REC114: variants seen among roughly 807,000 people sequenced by gnomAD.
REC114 encodes meiotic recombination protein REC114.
Under a neutral mutation model 31.3 loss-of-function variants are expected in REC114, and 27 were observed. The observed-to-expected ratio is 0.86, with a 90% confidence interval of 0.64 to 1.19. The LOEUF (loss-of-function observed/expected upper bound fraction) is 1.19, where lower values mean the gene tolerates loss of function less well. Ranked by LOEUF, REC114 falls within the 50% of genes most tolerant of loss-of-function variation. REC114 has a pLI of 0.00. For missense variants in REC114, 344 were observed against 326.9 expected (o/e 1.05, Z -0.40); for synonymous variants, 134 against 127.7 (o/e 1.05, Z -0.33).
intron 1 of REC114, 83 bp downstream of exon 1, chr15:73,443,427 C>T: frequency 7.0e-7 from 1 of 1,426,396 alleles, no homozygotes; most frequent in Non-Finnish European, 9.2e-7. Context: ...GGCCAGTGCC[C>T]CGAAAGCAAT....
chr15:73,556,719 T>G (rs547037087), intron 5 of REC114, among the ~76,000 whole-genome samples: 1 of 152,262 alleles, frequency 6.6e-6, no homozygotes, highest in Non-Finnish European at 1.5e-5. Flanking sequence ...AGGACTCCAT[T>G]GTAATTATGG....
intron 2 of REC114, among the ~76,000 whole-genome samples, chr15:73,493,505 TTTTC>T (rs1893474189): frequency 1.3e-5 from 2 of 152,280 alleles, no homozygotes; most frequent in South Asian, 4.1e-4. Context: ...ATCTATTATT[TTTTC>T]TTTTTTTCTT....
At chr15:73,466,616 A>G (rs1893064205) in intron 1 of REC114, among the ~76,000 whole-genome samples, 1 of 152,208 alleles carries the variant, frequency 6.6e-6, no homozygotes, top group African/African-American at 2.4e-5. Context: ...TTACGCAACT[A>G]TTAATAAAAT....
chr15:73,495,534 T>C (rs1424838081), intron 2 of REC114, among the ~76,000 whole-genome samples: 1 of 150,612 alleles, frequency 6.6e-6, no homozygotes, highest in Admixed American at 6.6e-5. Flanking sequence ...GCAAGAGAAC[T>C]TTTTTTTTGC....
At chr15:73,492,241 T>G (rs1893457158) in intron 2 of REC114, among the ~76,000 whole-genome samples, 1 of 152,184 alleles carries the variant, frequency 6.6e-6, no homozygotes, top group African/African-American at 2.4e-5. Flanking sequence ...TTTATGTACT[T>G]TATATGAAAT....
At chr15:73,499,941 A>C (rs1308731731) in intron 2 of REC114, among the ~76,000 whole-genome samples, 1 of 152,230 alleles carries the variant, frequency 6.6e-6, no homozygotes. Context: ...GATATTGTCC[A>C]AACATACACA....
chr15:73,460,502 AAAGT>A (rs1892975579), intron 1 of REC114, among the ~76,000 whole-genome samples: 1 of 151,192 alleles, frequency 6.6e-6, no homozygotes, highest in African/African-American at 2.5e-5. Context: ...TCTGAGAAAT[AAAGT>A]AAGGTGTTTC....
At chr15:73,512,067 G>A (rs1269548899) in intron 2 of REC114, among the ~76,000 whole-genome samples, 3 of 136,796 alleles carry the variant, frequency 2.2e-5, no homozygotes, top group African/African-American at 9.3e-5. Flanking sequence ...CATTATTAAT[G>A]TGTGGGAGTC....
chr15:73,454,080 C>T (rs944643596), intron 1 of REC114, among the ~76,000 whole-genome samples: 1 of 151,910 alleles, frequency 6.6e-6, no homozygotes, highest in African/African-American at 2.4e-5. Context: ...AACAAACCTG[C>T]ACATTCTGCA....
chr15:73,447,647 CAAAATAAA>C (rs1399315367), intron 1 of REC114, among the ~76,000 whole-genome samples: 1 of 89,288 alleles, frequency 1.1e-5, no homozygotes, highest in Admixed American at 1.2e-4. Context: ...GACTCTGTCT[CAAAATAAA>C]TAAATAAATA....
At chr15:73,493,536 T>A (rs947875927) in intron 2 of REC114, among the ~76,000 whole-genome samples, 12 of 152,186 alleles carry the variant, frequency 7.9e-5, no homozygotes, top group African/African-American at 2.9e-4. Flanking sequence ...ATTTTATTTA[T>A]CCTCATGCAT....
chr15:73,453,934 A>G (rs112335133), intron 1 of REC114, among the ~76,000 whole-genome samples: 1 of 114,346 alleles, frequency 8.7e-6, no homozygotes, highest in African/African-American at 3.4e-5. Flanking sequence ...ACACATGGAC[A>G]TGGGTGGGGG....
At chr15:73,466,097 C>T (rs772832559) in intron 1 of REC114, among the ~76,000 whole-genome samples, 6 of 151,744 alleles carry the variant, frequency 4.0e-5, no homozygotes, top group Non-Finnish European at 5.9e-5. Context: ...ATGATCTGCC[C>T]ACCTCGGCCT....
chr15:73,538,895 G>A (rs1437877920), intron 2 of REC114, among the ~76,000 whole-genome samples: 1 of 146,162 alleles, frequency 6.8e-6, no homozygotes, highest in African/African-American at 2.5e-5. Flanking sequence ...CCAATCTTAT[G>A]TTTAAAAAAA....
At chr15:73,553,668 A>AT (rs1894422903) in intron 4 of REC114, among the ~76,000 whole-genome samples, 1 of 152,202 alleles carries the variant, frequency 6.6e-6, no homozygotes, top group Non-Finnish European at 1.5e-5. Flanking sequence ...GCAGTAACAA[A>AT]TGCAGGCTGA....
intron 2 of REC114, among the ~76,000 whole-genome samples, chr15:73,511,401 GATTC>G (rs1287418558): frequency 6.6e-6 from 1 of 151,874 alleles, no homozygotes; most frequent in African/African-American, 2.4e-5. Flanking sequence ...CCAGCTCCTG[GATTC>G]ATTGATTTTT....
intron 2 of REC114, among the ~76,000 whole-genome samples, chr15:73,532,617 C>T (rs948344544): frequency 6.6e-6 from 1 of 152,016 alleles, no homozygotes; most frequent in African/African-American, 2.4e-5. Flanking sequence ...TAAAAGTGTT[C>T]CTATTTCTCC....
intron 2 of REC114, among the ~76,000 whole-genome samples, chr15:73,508,666 T>C (rs2141313182): frequency 7.1e-6 from 1 of 140,466 alleles, no homozygotes; most frequent in Non-Finnish European, 1.5e-5. Flanking sequence ...CATTGTTCAA[T>C]TCCCACCTAT....
At chr15:73,452,598 T>C (rs1027807127) in intron 1 of REC114, among the ~76,000 whole-genome samples, 2 of 152,220 alleles carry the variant, frequency 1.3e-5, no homozygotes, top group Admixed American at 6.5e-5. Flanking sequence ...CCCATCAAGC[T>C]ACCATGACTT....
Sources: allele counts gnomAD v4.1 joint callset (sites outside exome capture counted in the v4.1 genomes callset), GRCh38; gene constraint gnomAD v4.1.1; transcripts MANE v1.5; gene names NCBI Gene and HGNC (gene_info 2026-07-23, HGNC 2026-07-21).